Variants in KANSL1 observed in about 807,000 individuals in gnomAD.
KANSL1 encodes the protein KAT8 regulatory NSL complex subunit 1, also known as MLL1/MLL complex subunit KANSL1.
Under a neutral mutation model 103.6 loss-of-function variants are expected in KANSL1, and 22 were observed. The observed-to-expected ratio is 0.21, with a 90% CI of 0.15 to 0.30. The LOEUF (loss-of-function observed/expected upper bound fraction) is 0.30, where lower values mean the gene tolerates loss of function less well. Ranked by LOEUF, KANSL1 falls within the 10% of genes least tolerant of loss-of-function variation. The pLI is 1.00. For synonymous variants in KANSL1, 600 were observed against 527.6 expected, an observed-to-expected ratio of 1.14 and a Z score of -1.88; for missense variants, 1,337 against 1,399.8, an observed-to-expected ratio of 0.96 and a Z score of 0.72.
intron 1 of KANSL1, among the ~76,000 whole-genome samples, chr17:46,185,686 CAT>C (rs148277720): frequency 2.4e-3 from 230 of 96,008 alleles, no homozygotes; most frequent in East Asian, 0.016. Flanking sequence ...TATACACACA[CAT>C]ATATACACAC....
intron 2 of KANSL1, among the ~76,000 whole-genome samples, chr17:46,136,481 G>A (rs1047462740): frequency 2.8e-4 from 43 of 152,326 alleles, no homozygotes; most frequent in Admixed American, 2.5e-3. Context: ...ATGCTAAGGA[G>A]TAAAATGATC....
At chr17:46,144,903 G>C (rs1005729049) in intron 2 of KANSL1, among the ~76,000 whole-genome samples, 1 of 152,136 alleles carries the variant, frequency 6.6e-6, no homozygotes. Flanking sequence ...CCTCACATTC[G>C]TTGGATGCCA....
chr17:46,100,642 G>T (rs1230327712), intron 2 of KANSL1, among the ~76,000 whole-genome samples: 1 of 152,136 alleles, frequency 6.6e-6, no homozygotes, highest in African/African-American at 2.4e-5. Flanking sequence ...GTATTTATTA[G>T]ATAAGTAGCA....
intron 7 of KANSL1, among the ~76,000 whole-genome samples, chr17:46,049,224 C>T (rs1568386151): frequency 6.7e-6 from 1 of 149,788 alleles, no homozygotes; most frequent in Non-Finnish European, 1.5e-5. Context: ...TATTTGTTGT[C>T]CCCACCATCC....
chr17:46,162,560 C>T (rs2045796487), intron 2 of KANSL1, among the ~76,000 whole-genome samples: 1 of 152,246 alleles, frequency 6.6e-6, no homozygotes, highest in East Asian at 1.9e-4. Context: ...ACCCATGGCA[C>T]CTCTTCCCTT....
chr17:46,096,022 G>A (rs1401212258), intron 2 of KANSL1, among the ~76,000 whole-genome samples: 1 of 151,984 alleles, frequency 6.6e-6, no homozygotes, highest in Non-Finnish European at 1.5e-5. Flanking sequence ...AAATGGAAAA[G>A]AGCAATTAAT....
At chr17:46,189,623 C>T (rs1238061749) in intron 1 of KANSL1, among the ~76,000 whole-genome samples, 1 of 152,182 alleles carries the variant, frequency 6.6e-6, no homozygotes, top group African/African-American at 2.4e-5. Context: ...TGGTTCATGC[C>T]TGTAATTCCG....
chr17:46,149,624 C>G (rs1374976503), intron 2 of KANSL1, among the ~76,000 whole-genome samples: 1 of 152,252 alleles, frequency 6.6e-6, no homozygotes, highest in African/African-American at 2.4e-5. Context: ...ATTTGGCATA[C>G]AGGGCATAGT....
chr17:46,137,159 C>A (rs1450113393), intron 2 of KANSL1, among the ~76,000 whole-genome samples: 1 of 152,218 alleles, frequency 6.6e-6, no homozygotes, highest in East Asian at 1.9e-4. Flanking sequence ...ACACTTATTC[C>A]CCTGACTTAA....
intron 2 of KANSL1, among the ~76,000 whole-genome samples, chr17:46,108,853 G>A (rs2042682011): frequency 6.6e-6 from 1 of 152,184 alleles, no homozygotes; most frequent in African/African-American, 2.4e-5. Context: ...CTGAAAGCGA[G>A]TCAAGCAATT....
chr17:46,039,871 G>A lies in KANSL1; in HGVS notation c.2034C>T (p.Ser678=), dbSNP rs1294628678. ...ATTTCAGCATGCTCTGGAAATGCAGGCTTGTGGGAACATCTGCAAGAAACA... is the reference window on the plus strand; with the variant it reads ...ATTTCAGCATGCTCTGGAAATGCAGACTTGTGGGAACATCTGCAAGAAACA... ...VLAFPDDVPT[S]LHFQSMLKSQ... Residue 678 remains serine, a synonymous_variant, in exon 8 of 15, where the codon AGC becomes AGT. Coordinates refer to ENST00000432791, the MANE Select transcript of KANSL1 (RefSeq NM_015443.4). 1 of 1,614,162 alleles carries A rather than the reference G, an allele frequency of 6.2e-7. No individual in the cohort carries two copies. Among genetic ancestry groups the A allele is most frequent in the South Asian group, 1.1e-5 (1 of 91,078 alleles).
chr17:46,072,813 AT>A (rs972358012), intron 4 of KANSL1, among the ~76,000 whole-genome samples: 1 of 152,166 alleles, frequency 6.6e-6, no homozygotes, highest in African/African-American at 2.4e-5. Context: ...TTTTGAACTC[AT>A]TTTTTTAAAG....
chr17:46,031,071 C>T lies in KANSL1; in HGVS notation c.*405G>A, dbSNP rs1228740369. The T allele has an allele frequency of 5.1e-6, 1 of 195,608 alleles. No individual in the cohort carries two copies. The allele number at this position is 195,608 out of a possible 1,614,324, so 12.1% of individuals were successfully genotyped here. A position where few individuals can be genotyped will look rare whatever the true frequency, so the allele number is the denominator to read the frequency against. ...GGGGAGGGGGTAAGAGTCCAGAGCACCCTGCCCCATTCCACCCTAGCTCAA... is the reference window on the plus strand; with the variant it reads ...GGGGAGGGGGTAAGAGTCCAGAGCATCCTGCCCCATTCCACCCTAGCTCAA... On this transcript the variant is annotated 3_prime_UTR_variant, in exon 15 of 15. Transcript: ENST00000432791.
chr17:46,137,542 G>A (rs1271321744), intron 2 of KANSL1, among the ~76,000 whole-genome samples: 1 of 152,192 alleles, frequency 6.6e-6, no homozygotes, highest in African/African-American at 2.4e-5. Context: ...AGTTTTCAGT[G>A]TGCACTTAAT....
At chr17:46,082,852 C>T (rs1488793504) in intron 3 of KANSL1, among the ~76,000 whole-genome samples, 1 of 152,076 alleles carries the variant, frequency 6.6e-6, no homozygotes, top group African/African-American at 2.4e-5. Context: ...TACCATATTA[C>T]TAGACTCCAC....
Position 46,031,413 on chromosome 17 carries a change from G to T in KANSL1, c.*63C>A. The T allele has an allele frequency of 7.0e-7, 1 of 1,431,272 alleles. No homozygotes were observed. The highest frequency in any genetic ancestry group is 9.5e-7 in the Non-Finnish European group (1 of 1,054,522). 88.7% of individuals were successfully genotyped at this position (1,431,272 alleles called of 1,614,324 possible). ...GGCATATGATGTTTGAATATCAAAC[G>T]CAGAGATTTCTGAAGCTTTAATGCC... On this transcript the variant is annotated 3_prime_UTR_variant, in exon 15 of 15. Transcript: ENST00000432791.
intron 1 of KANSL1, among the ~76,000 whole-genome samples, chr17:46,199,701 A>G (rs1264768231): frequency 1.3e-5 from 2 of 152,252 alleles, no homozygotes; most frequent in African/African-American, 4.8e-5. Flanking sequence ...TTCATACAAA[A>G]GAAAAACTAA....
At position 46,140,348 on chromosome 17, in the gene KANSL1, T is replaced by C. The variant is rs141309655; in HGVS notation, c.1289+30507A>G. 1.2e-4 allele frequency among the ~76,000 whole-genome samples: 18 copies of C among 152,254 alleles called. No individual in the cohort carries two copies. The East Asian group carries it at 2.3e-3, about 20-fold the overall frequency. On this transcript the variant is annotated intron_variant, in intron 2 of 14. Transcript: ENST00000432791. ...TACAAGGACAACTGAATATCCACTA[T>C]CCACAGGCAAAATAAAATTGGATTC... is the stretch of plus-strand genomic sequence containing the variant.
chr17:46,051,607 C>A (rs2077713454), intron 6 of KANSL1, among the ~76,000 whole-genome samples: 1 of 152,218 alleles, frequency 6.6e-6, no homozygotes, highest in Non-Finnish European at 1.5e-5. Flanking sequence ...ACAAGTCTGG[C>A]ATTTGCCAAA....
Sources: allele counts gnomAD v4.1 joint callset (sites outside exome capture counted in the v4.1 genomes callset), GRCh38; gene constraint gnomAD v4.1.1; transcripts MANE v1.5; gene names NCBI Gene and HGNC (gene_info 2026-07-23, HGNC 2026-07-21).